Variants in GLT8D1 observed in about 807,000 individuals in gnomAD.
GLT8D1 encodes the protein glycosyltransferase 8 domain containing 1.
GLT8D1 carries 41 observed loss-of-function variants against 46.2 expected under a neutral mutation model. The ratio of observed to expected loss-of-function variants is 0.89; its 90% CI spans 0.69 to 1.15. The LOEUF (loss-of-function observed/expected upper bound fraction) is 1.15. Ranked by LOEUF, GLT8D1 falls within the 50% of genes most tolerant of loss-of-function variation. The pLI, the probability that GLT8D1 is intolerant of heterozygous loss-of-function variation, is 0.00. For synonymous variants in GLT8D1, 150 were observed against 154.2 expected (o/e 0.97, Z 0.20); for missense variants, 408 against 449.3 (o/e 0.91, Z 0.83).
chr3:52,700,526 A>C (rs2097338445), intron 1 of GLT8D1, 30 bp from the exon 2 acceptor site: 1 of 1,109,428 alleles, frequency 9.0e-7, no homozygotes, highest in South Asian at 1.3e-5. Flanking sequence ...CCCCAAAGTC[A>C]GTAAGCACAT....
intron 7 of GLT8D1, 122 bp downstream of exon 7, chr3:52,695,805 AG>A (rs1485847857): frequency 6.0e-6 from 4 of 671,158 alleles, no homozygotes; most frequent in Non-Finnish European, 1.1e-5. Context: ...ACAGAAAAGC[AG>A]GCTTGAGTTT....
At position 52,695,260 on chromosome 3, in the gene GLT8D1, T is replaced by A; in HGVS notation, c.855A>T (p.Thr285=). Residue 285 remains threonine (T), a synonymous_variant, in exon 9 of 10, where the codon ACA becomes ACT. Coordinates refer to ENST00000266014, the MANE Select transcript of GLT8D1 (RefSeq NM_018446.4). ...GATAAAATACGATAAGCAGAGGAGG[T>A]GTTGTGATGCTACCAGCCAGGGTTC... ...YSRTLAGSIT[T]PPLLIVFYQQ... The A allele has an allele frequency of 1.2e-6, 2 of 1,613,378 alleles. No individual in the cohort carries two copies. The highest frequency in any genetic ancestry group is 1.1e-5 in the South Asian group (1 of 91,018).
Position 52,696,636 on chromosome 3 carries a change from AG to A in GLT8D1, c.352del (p.Leu118Ter). ...HLRSWLNSDS[L>X]KSIRYKIVNF... ...GACAATTTTGTATCTGATGCTTTTC[AG>A]GGAATCACTGTTGAGCCAGGACCTG... On this transcript the variant is annotated frameshift_variant, in exon 5 of 10. Coordinates refer to ENST00000266014, the MANE Select transcript of GLT8D1 (RefSeq NM_018446.4). LOFTEE classifies it high-confidence loss of function. 2 of 1,603,820 alleles carry A rather than the reference AG, an allele frequency of 1.2e-6. No individual in the cohort carries two copies. Among genetic ancestry groups the A allele is most frequent in the Non-Finnish European group, 1.7e-6 (2 of 1,170,564 alleles).
intron 1 of GLT8D1, chr3:52,703,485 T>C (rs2097341146): frequency 6.6e-6 from 1 of 151,332 alleles, no homozygotes; most frequent in Non-Finnish European, 1.5e-5. Context: ...CATATGCCTC[T>C]ATCACATTAT....
chr3:52,697,392 A>G (rs1317377860), intron 4 of GLT8D1: 1 of 341,646 alleles, frequency 2.9e-6, no homozygotes, highest in Admixed American at 4.1e-5. Flanking sequence ...GAGCATGTCC[A>G]TGAAATAAGG....
At position 52,694,876 on chromosome 3, in the gene GLT8D1, C is replaced by A; in HGVS notation, c.1085G>T (p.Arg362Leu). ...PDPTGKFNLIRRYTEISNIK is the reference protein window; with the variant it reads ...PDPTGKFNLILRYTEISNIK Reference sequence around the variant, plus strand: ...TATGTTTGAGATCTCGGTATATCTTCGGATTAGGTTGAATTTGCCTGTTGG... The same window carrying A: ...TATGTTTGAGATCTCGGTATATCTTAGGATTAGGTTGAATTTGCCTGTTGG... Residue 362 changes from arginine to leucine, a missense_variant, in exon 10 of 10, where the codon CGA becomes CTA. Physicochemically the swap from Arg to Leu is moderately radical, Grantham distance 102 (BLOSUM62 -2). Coordinates refer to ENST00000266014, the MANE Select transcript of GLT8D1 (RefSeq NM_018446.4). The A allele has an allele frequency of 6.2e-7, 1 of 1,612,070 alleles. No homozygotes were observed. Among genetic ancestry groups the A allele is most frequent in the South Asian group, 1.1e-5 (1 of 91,030 alleles).
chr3:52,698,062 C>A, intron 3 of GLT8D1, 128 bp from the exon 4 acceptor site: 2 of 645,770 alleles, frequency 3.1e-6, no homozygotes, highest in Non-Finnish European at 5.5e-6. Flanking sequence ...TAAACTGAAG[C>A]ATATAGCCCT....
At chr3:52,702,660 G>A (rs1578594651) in intron 1 of GLT8D1, among the ~76,000 whole-genome samples, 1 of 152,262 alleles carries the variant, frequency 6.6e-6, no homozygotes, top group East Asian at 1.9e-4. Context: ...GAGCCCAGGA[G>A]TTCCAGACCA....
In GLT8D1 at chr3:52,700,452, G is replaced by A; in HGVS notation, c.9C>T (p.Phe3=). 15 of 1,593,012 alleles carry A rather than the reference G, an allele frequency of 9.4e-6. No individual in the cohort carries two copies. Among genetic ancestry groups the A allele is most frequent in the Non-Finnish European group, 1.3e-5 (15 of 1,162,678 alleles). Residue 3 remains phenylalanine (F), a synonymous_variant, in exon 2 of 10, where the codon TTC becomes TTT. Transcript: ENST00000266014. ...CTTGTAGAAAGAGCATACCTTTACG[G>A]AATGACATCTTTTTCTTCTGTCATA... MS[F]RKVNIIILVL...
intron 4 of GLT8D1, among the ~76,000 whole-genome samples, chr3:52,697,070 T>A (rs1354712289): frequency 1.3e-5 from 2 of 152,202 alleles, no homozygotes; most frequent in Non-Finnish European, 2.9e-5. Flanking sequence ...ATTTCTGTAG[T>A]CTATTTTTAT....
At chr3:52,703,414 ACT>A (rs1397694338) in intron 1 of GLT8D1, 5 of 136,240 alleles carry the variant, frequency 3.7e-5, no homozygotes, top group African/African-American at 1.5e-4. Flanking sequence ...ACAGAGTAAG[ACT>A]CTGTCTCAAA....
chr3:52,695,852 A>C, intron 7 of GLT8D1, 76 bp downstream of exon 7: 1 of 863,150 alleles, frequency 1.2e-6, no homozygotes. Context: ...AATTGCAGCA[A>C]AAGAGTTCCC....
intron 1 of GLT8D1, among the ~76,000 whole-genome samples, chr3:52,701,039 TGGGC>T (rs2097338913): frequency 1.3e-5 from 2 of 152,118 alleles, no homozygotes; most frequent in Admixed American, 6.6e-5. Flanking sequence ...CACTCCAGCC[TGGGC>T]GACAGAGTGA....
chr3:52,701,960 T>C (rs1479248797), intron 1 of GLT8D1, among the ~76,000 whole-genome samples: 1 of 152,254 alleles, frequency 6.6e-6, no homozygotes, highest in South Asian at 2.1e-4. Context: ...TCACCCATAG[T>C]AGTACCCAAC....
rs2154099912 is a variant in GLT8D1 at position 52,694,875 on chromosome 3, T to C, written c.1086A>G (p.Arg362=). 1 of 1,612,372 alleles carries C rather than the reference T, an allele frequency of 6.2e-7. No homozygotes were observed. Among genetic ancestry groups the C allele is most frequent in the African/African-American group, 1.3e-5 (1 of 75,024 alleles). The change falls in exon 10 of 10, where the codon CGA becomes CGG. Residue 362 remains arginine (R), a synonymous_variant. Transcript: ENST00000266014. ...PDPTGKFNLI[R]RYTEISNIK ...TTATGTTTGAGATCTCGGTATATCT[T>C]CGGATTAGGTTGAATTTGCCTGTTG...
chr3:52,697,445 A>G, intron 4 of GLT8D1: 1 of 439,100 alleles, frequency 2.3e-6, no homozygotes, highest in Non-Finnish European at 4.2e-6. Flanking sequence ...CCCTTCACTG[A>G]GAAAGTATTA....
At chr3:52,704,458 CAAAAAAAAAA>C (rs60851820) in intron 1 of GLT8D1, among the ~76,000 whole-genome samples, 3 of 53,558 alleles carry the variant, frequency 5.6e-5, no homozygotes, top group Admixed American at 2.5e-4. Context: ...GTCTTCGCCT[CAAAAAAAAAA>C]AAAAAAAAAA....
intron 5 of GLT8D1, 59 bp from the exon 6 acceptor site, chr3:52,696,377 CAG>C: frequency 1.6e-6 from 2 of 1,227,236 alleles, no homozygotes; most frequent in African/African-American, 1.5e-5. Context: ...TTTATTTACA[CAG>C]AAACTCCTAG....
chr3:52,702,892 T>C (rs1302798924), intron 1 of GLT8D1, among the ~76,000 whole-genome samples: 1 of 150,882 alleles, frequency 6.6e-6, no homozygotes, highest in African/African-American at 2.4e-5. Context: ...ATTCAAGCAA[T>C]TCTTGTGCCT....
Sources: gnomAD v4.1 joint callset for allele counts (sites outside exome capture counted in the v4.1 genomes callset) on GRCh38, gnomAD v4.1.1 for gene constraint, MANE v1.5 for transcripts, NCBI Gene and HGNC (gene_info 2026-07-23, HGNC 2026-07-21) for gene names.